Variants in TSHZ2 observed in about 807,000 individuals in gnomAD.
The protein encoded by TSHZ2 is teashirt zinc finger homeobox 2.
TSHZ2 carries 21 observed loss-of-function variants against 74.4 expected under a neutral mutation model. The observed-to-expected ratio is 0.28, with a 90% CI of 0.20 to 0.41. TSHZ2 has a LOEUF of 0.41. TSHZ2 is among the 10% of genes least tolerant of loss of function. TSHZ2 has a pLI of 1.00. For missense variants in TSHZ2, 1,244 were observed against 1,293.5 expected, an observed-to-expected ratio of 0.96 and a Z score of 0.59; for synonymous variants, 540 against 515.3, an observed-to-expected ratio of 1.05 and a Z score of -0.65.
At chr20:53,264,743 T>A (rs1289456736) in intron 2 of TSHZ2, among the ~76,000 whole-genome samples, 2 of 152,246 alleles carry the variant, frequency 1.3e-5, no homozygotes, top group Non-Finnish European at 2.9e-5. Flanking sequence ...GATTTTTTTT[T>A]ATACAAAGCT....
At chr20:53,072,556 AAAT>A (rs1985209000) in intron 1 of TSHZ2, among the ~76,000 whole-genome samples, 2 of 152,352 alleles carry the variant, frequency 1.3e-5, no homozygotes, top group South Asian at 4.1e-4. Context: ...GGGTGAATCT[AAAT>A]AATGTCTTGT....
At chr20:52,984,776 T>C (rs1400110731) in intron 1 of TSHZ2, among the ~76,000 whole-genome samples, 2 of 152,100 alleles carry the variant, frequency 1.3e-5, no homozygotes, top group Non-Finnish European at 2.9e-5. Flanking sequence ...TCAAAGGCTA[T>C]GCTGACTTGG....
chr20:53,439,306 G>T (rs1984222174), intron 2 of TSHZ2, among the ~76,000 whole-genome samples: 1 of 152,040 alleles, frequency 6.6e-6, no homozygotes, highest in Admixed American at 6.6e-5. Flanking sequence ...TAATAATGCA[G>T]AAGATACTAA....
chr20:53,030,819 T>C (rs1983608739), intron 1 of TSHZ2, among the ~76,000 whole-genome samples: 2 of 152,224 alleles, frequency 1.3e-5, no homozygotes, highest in African/African-American at 4.8e-5. Flanking sequence ...TATAATCATA[T>C]AGAGGATAGC....
At chr20:53,291,375 A>T (rs926579173) in intron 2 of TSHZ2, among the ~76,000 whole-genome samples, 2 of 151,134 alleles carry the variant, frequency 1.3e-5, no homozygotes, top group African/African-American at 2.4e-5. Flanking sequence ...CAGGAAGCTG[A>T]GGCAGGAGAA....
chr20:53,194,683 T>C (rs1000914809), intron 1 of TSHZ2, among the ~76,000 whole-genome samples: 22 of 152,250 alleles, frequency 1.4e-4, no homozygotes, highest in Middle Eastern at 3.2e-3. Flanking sequence ...TCAGTGGCAT[T>C]AATTACTTCA....
intron 1 of TSHZ2, among the ~76,000 whole-genome samples, chr20:53,209,126 ACTCTGTCACCCAGGCT>A (rs1225889470): frequency 6.6e-6 from 1 of 151,978 alleles, no homozygotes; most frequent in African/African-American, 2.4e-5. Flanking sequence ...ATGGAGTCTC[ACTCTGTCACCCAGGCT>A]AGAATGCAGT....
At chr20:53,109,884 G>T (rs1986482283) in intron 1 of TSHZ2, among the ~76,000 whole-genome samples, 1 of 152,106 alleles carries the variant, frequency 6.6e-6, no homozygotes, top group African/African-American at 2.4e-5. Context: ...TCTGTCCTGG[G>T]TTCTCAGCTC....
intron 1 of TSHZ2, among the ~76,000 whole-genome samples, chr20:53,014,218 AG>A (rs1982953966): frequency 6.7e-6 from 1 of 149,360 alleles, no homozygotes; most frequent in African/African-American, 2.5e-5. Context: ...AGAGAGAGAG[AG>A]AGAAGAGAGC....
intron 1 of TSHZ2, among the ~76,000 whole-genome samples, chr20:53,038,927 A>G (rs2207307): frequency 0.77 from 115,412 of 150,484 alleles, 45,235 homozygotes; most frequent in East Asian, 0.96. Context: ...ATGGAGTTTC[A>G]CTCTTGTTGC....
chr20:53,178,491 A>T (rs568789755), intron 1 of TSHZ2: 108 of 152,386 alleles, frequency 7.1e-4, no homozygotes, highest in African/African-American at 2.5e-3. Flanking sequence ...GACTCTGTCC[A>T]TTGTAAAACA....
intron 1 of TSHZ2, among the ~76,000 whole-genome samples, chr20:53,050,130 T>TATATATATATATATATATAAATATAC (rs1555819319): frequency 1.1e-5 from 1 of 88,346 alleles, no homozygotes; most frequent in Non-Finnish European, 1.9e-5. Context: ...TATATACACA[T>TATATATATATATATATATAAATATAC]ATATATATGT....
chr20:53,374,727 C>T (rs1159500684), intron 2 of TSHZ2, among the ~76,000 whole-genome samples: 2 of 152,060 alleles, frequency 1.3e-5, no homozygotes, highest in Non-Finnish European at 2.9e-5. Context: ...GTTTGATTTG[C>T]GTTTCCCTAA....
chr20:53,239,922 G>A (rs1003695151), intron 1 of TSHZ2, among the ~76,000 whole-genome samples: 13 of 151,996 alleles, frequency 8.6e-5, no homozygotes, highest in East Asian at 1.9e-4. Context: ...TAAAATGTGC[G>A]CATACAAATT....
At chr20:53,375,430 T>A (rs543383607) in intron 2 of TSHZ2, among the ~76,000 whole-genome samples, 1 of 152,286 alleles carries the variant, frequency 6.6e-6, no homozygotes, top group East Asian at 1.9e-4. Context: ...GTGATATGAG[T>A]GGTACTTATT....
At chr20:53,095,120 G>A (rs936317056) in intron 1 of TSHZ2, among the ~76,000 whole-genome samples, 2 of 152,264 alleles carry the variant, frequency 1.3e-5, no homozygotes, top group Middle Eastern at 3.4e-3. Flanking sequence ...AGGACAAGCT[G>A]GCTTCAGGTA....
At chr20:53,360,730 C>T (rs1981018798) in intron 2 of TSHZ2, among the ~76,000 whole-genome samples, 1 of 152,138 alleles carries the variant, frequency 6.6e-6, no homozygotes, top group Non-Finnish European at 1.5e-5. Context: ...ATGGGGAAAC[C>T]AGAGATTAAG....
chr20:53,264,752 C>A (rs921421289), intron 2 of TSHZ2, among the ~76,000 whole-genome samples: 1 of 152,210 alleles, frequency 6.6e-6, no homozygotes, highest in African/African-American at 2.4e-5. Context: ...TTATACAAAG[C>A]TTCTCCCTTT....
intron 1 of TSHZ2, among the ~76,000 whole-genome samples, chr20:53,220,987 A>G (rs1334415539): frequency 2.6e-5 from 4 of 152,160 alleles, no homozygotes; most frequent in Non-Finnish European, 5.9e-5. Flanking sequence ...TCCCCACCCA[A>G]TCTCATCTTG....
Sources: allele counts gnomAD v4.1 joint callset (sites outside exome capture counted in the v4.1 genomes callset), GRCh38; gene constraint gnomAD v4.1.1; transcripts MANE v1.5; gene names NCBI Gene and HGNC (gene_info 2026-07-23, HGNC 2026-07-21).